Variants in CHN1 observed in about 807,000 individuals in gnomAD.
CHN1 encodes the protein N-chimaerin.
CHN1 carries 37 observed loss-of-function variants against 59.5 expected under a neutral mutation model. The observed-to-expected ratio is 0.62, with a 90% CI of 0.48 to 0.82. The LOEUF is 0.82. Among genes scored for constraint, CHN1 ranks in the 40% least tolerant of loss-of-function variants. The pLI is 0.00. For synonymous variants in CHN1, 206 were observed against 200.4 expected, an observed-to-expected ratio of 1.03 and a Z score of -0.24; for missense variants, 469 against 571.0, an observed-to-expected ratio of 0.82 and a Z score of 1.82.
intron 8 of CHN1, among the ~76,000 whole-genome samples, chr2:174,819,248 T>A (rs1336542846): frequency 6.6e-6 from 1 of 152,134 alleles, no homozygotes; most frequent in Non-Finnish European, 1.5e-5. Context: ...GTAGTTAAAA[T>A]AAAAAACATT....
intron 1 of CHN1, among the ~76,000 whole-genome samples, chr2:174,999,279 A>G (rs1048288237): frequency 6.6e-6 from 1 of 152,214 alleles, no homozygotes; most frequent in Non-Finnish European, 1.5e-5. Context: ...GTTTGCACAG[A>G]AAGTTCTGTG....
chr2:174,870,231 G>T (rs1574108704), intron 6 of CHN1, among the ~76,000 whole-genome samples: 1 of 152,126 alleles, frequency 6.6e-6, no homozygotes, highest in African/African-American at 2.4e-5. Context: ...TAAAGACAAG[G>T]ATAAGATTAG....
At chr2:174,868,947 T>C (rs1343947330) in intron 6 of CHN1, among the ~76,000 whole-genome samples, 1 of 152,200 alleles carries the variant, frequency 6.6e-6, no homozygotes, top group Admixed American at 6.5e-5. Flanking sequence ...CCTGGTACCA[T>C]GAGGTAGAGT....
At chr2:174,881,470 T>C (rs909970198) in intron 5 of CHN1, among the ~76,000 whole-genome samples, 18 of 152,098 alleles carry the variant, frequency 1.2e-4, no homozygotes, top group Admixed American at 3.9e-4. Flanking sequence ...AAAATAGGAA[T>C]AACATCACCC....
intron 2 of CHN1, among the ~76,000 whole-genome samples, chr2:174,949,966 T>C (rs1171821749): frequency 1.1e-4 from 16 of 152,176 alleles, no homozygotes. Flanking sequence ...TGTAGTCTTA[T>C]TAAAGAAAGA....
chr2:174,903,188 T>C (rs946489122), intron 5 of CHN1, among the ~76,000 whole-genome samples: 3 of 152,208 alleles, frequency 2.0e-5, no homozygotes, highest in Admixed American at 6.5e-5. Flanking sequence ...CTATCACTGA[T>C]CATCAACCTC....
chr2:174,977,045 T>C (rs1022301373), intron 1 of CHN1, among the ~76,000 whole-genome samples: 1 of 152,210 alleles, frequency 6.6e-6, no homozygotes, highest in Non-Finnish European at 1.5e-5. Context: ...AGACACATTG[T>C]TCACTGTCAA....
At chr2:174,922,233 T>C (rs1269289007) in intron 3 of CHN1, among the ~76,000 whole-genome samples, 4 of 152,216 alleles carry the variant, frequency 2.6e-5, no homozygotes, top group South Asian at 2.1e-4. Context: ...TAATTTTCTA[T>C]AGCATTATAT....
intron 3 of CHN1, among the ~76,000 whole-genome samples, chr2:174,927,875 A>G (rs980369633): frequency 6.6e-6 from 1 of 152,212 alleles, no homozygotes; most frequent in Admixed American, 6.5e-5. Context: ...CTAGCACATT[A>G]CATACATGAA....
intron 6 of CHN1, chr2:174,875,826 CTGT>C: frequency 1.0e-6 from 1 of 985,632 alleles, no homozygotes; most frequent in Non-Finnish European, 1.2e-6. Flanking sequence ...ACGTTTCAAG[CTGT>C]TGAACAGGTC....
At chr2:175,000,071 A>C (rs1414249315) in intron 1 of CHN1, among the ~76,000 whole-genome samples, 2 of 152,070 alleles carry the variant, frequency 1.3e-5, no homozygotes, top group Non-Finnish European at 2.9e-5. Context: ...AGCTCTCCAC[A>C]CATTAAAAGA....
intron 1 of CHN1, among the ~76,000 whole-genome samples, chr2:174,957,809 G>C (rs569731169): frequency 6.6e-6 from 1 of 152,182 alleles, no homozygotes; most frequent in Admixed American, 6.5e-5. Context: ...AAGAGGTCTA[G>C]ACCTTGCCTT....
chr2:174,825,575 A>G (rs899366812), intron 7 of CHN1, among the ~76,000 whole-genome samples: 6 of 152,230 alleles, frequency 3.9e-5, no homozygotes, highest in African/African-American at 1.4e-4. Context: ...AGGTTAACTC[A>G]GACAAAAAAA....
chr2:174,979,207 T>C (rs190658984), intron 1 of CHN1, among the ~76,000 whole-genome samples: 26 of 152,294 alleles, frequency 1.7e-4, no homozygotes, highest in African/African-American at 6.3e-4. Context: ...GGAATTACAA[T>C]GAAAGAAAGC....
chr2:174,985,788 T>C (rs1365797351), intron 1 of CHN1, among the ~76,000 whole-genome samples: 1 of 152,198 alleles, frequency 6.6e-6, no homozygotes, highest in African/African-American at 2.4e-5. Context: ...ATCTAAACTT[T>C]AGCATTTTAA....
In CHN1 at chr2:174,906,708, T is replaced by C. The variant is rs566592400; in HGVS notation, c.260+8350A>G. The stretch of plus-strand genomic sequence containing the variant: ...TATAATACATAGAAACAGTGCTTGG[T>C]TGCCTTCAGTAGATGTTTCATAACA... On this transcript the variant is annotated intron_variant, in intron 5 of 12. Coordinates refer to ENST00000409900, the MANE Select transcript of CHN1 (RefSeq NM_001822.7). 3.3e-5 allele frequency among the ~76,000 whole-genome samples: 5 copies of C among 152,336 alleles called. No individual in the cohort carries two copies. In the East Asian group the frequency reaches 5.8e-4, roughly 18 times the overall value.
intron 7 of CHN1, among the ~76,000 whole-genome samples, chr2:174,829,264 T>C (rs1014282837): frequency 6.6e-6 from 1 of 152,168 alleles, no homozygotes; most frequent in African/African-American, 2.4e-5. Flanking sequence ...TACAGTCTTA[T>C]CAGTGAAGGC....
chr2:174,900,242 G>A (rs1234418769), intron 5 of CHN1, among the ~76,000 whole-genome samples: 1 of 152,132 alleles, frequency 6.6e-6, no homozygotes, highest in South Asian at 2.1e-4. Context: ...TACAATCACA[G>A]CACTCTGGGA....
At chr2:174,895,194 G>GTATATA (rs1406449336) in intron 5 of CHN1, among the ~76,000 whole-genome samples, 1 of 117,050 alleles carries the variant, frequency 8.5e-6, no homozygotes. Context: ...ATATGTGTGT[G>GTATATA]TGTGTATATA....
Sources: gnomAD v4.1 joint callset for allele counts (sites outside exome capture counted in the v4.1 genomes callset) on GRCh38, gnomAD v4.1.1 for gene constraint, MANE v1.5 for transcripts, NCBI Gene and HGNC (gene_info 2026-07-23, HGNC 2026-07-21) for gene names.